The following GRID1 variants were observed in gnomAD, a reference collection of about 807,000 sequenced individuals.
GRID1 encodes glutamate receptor ionotropic, delta-1.
GRID1 carries 28 observed loss-of-function variants against 98.0 expected under a neutral mutation model. The ratio of observed to expected loss-of-function variants is 0.29; its 90% CI spans 0.21 to 0.39. The LOEUF (loss-of-function observed/expected upper bound fraction) is 0.39, where lower values mean the gene tolerates loss of function less well. Among genes scored for constraint, GRID1 ranks in the 10% least tolerant of loss-of-function variants. The probability of loss-of-function intolerance (pLI) is 1.00; values close to 1 mark genes in which losing one functional copy is unlikely to be tolerated. For synonymous variants in GRID1, 553 were observed against 538.5 expected, an observed-to-expected ratio of 1.03 and a Z score of -0.37; for missense variants, 1,111 against 1,340.5, an observed-to-expected ratio of 0.83 and a Z score of 2.67.
chr10:86,034,041 A>G lies in GRID1; in HGVS notation c.726+104778T>C, dbSNP rs147600142. The stretch of plus-strand genomic sequence containing the variant: ...TTCAAATTTACAACTTCAGAATTAT[A>G]AATTAGCTTATTTTAAGTAAACTTA... On this transcript the variant is annotated intron_variant, in intron 4 of 15. Coordinates refer to ENST00000327946, the MANE Select transcript of GRID1 (RefSeq NM_017551.3). 5.9e-5 allele frequency among the ~76,000 whole-genome samples: 9 copies of G among 152,370 alleles called. No homozygotes were observed. In the East Asian group the frequency reaches 1.7e-3, roughly 29 times the overall value.
At chr10:86,034,176 T>C (rs569423540) in intron 4 of GRID1, among the ~76,000 whole-genome samples, 2 of 152,332 alleles carry the variant, frequency 1.3e-5, no homozygotes, top group Non-Finnish European at 2.9e-5. Flanking sequence ...GGCATCGAGG[T>C]AACAGATGTC....
chr10:86,354,525 C>T (rs1423489777), intron 2 of GRID1, among the ~76,000 whole-genome samples: 5 of 152,242 alleles, frequency 3.3e-5, no homozygotes, highest in Admixed American at 2.0e-4. Flanking sequence ...GCTGGCCATA[C>T]GTCCTCTCTA....
At chr10:86,248,563 CTTTTTTTTTTTTTTTT>C (rs200060771) in intron 2 of GRID1, among the ~76,000 whole-genome samples, 2,984 of 121,810 alleles carry the variant, frequency 0.024, 53 homozygotes, top group African/African-American at 0.029. Flanking sequence ...CATGACAATT[CTTTTTTTTTTTTTTTT>C]TTTTTTTTTT....
intron 4 of GRID1, among the ~76,000 whole-genome samples, chr10:85,978,272 C>A (rs1842499183): frequency 2.0e-5 from 3 of 152,176 alleles, no homozygotes; most frequent in Admixed American, 2.0e-4. Context: ...TGACTATCTA[C>A]CAGGCCAAAG....
At chr10:85,698,459 C>T (rs1841416915) in intron 12 of GRID1, among the ~76,000 whole-genome samples, 1 of 152,174 alleles carries the variant, frequency 6.6e-6, no homozygotes, top group Admixed American at 6.5e-5. Context: ...AATGGGCATT[C>T]AAGTATCCAC....
At chr10:86,307,587 G>A (rs1193393322) in intron 2 of GRID1, among the ~76,000 whole-genome samples, 1 of 152,136 alleles carries the variant, frequency 6.6e-6, no homozygotes, top group Non-Finnish European at 1.5e-5. Flanking sequence ...TTAGTTGCAA[G>A]ATGAATAAGT....
chr10:86,125,861 T>C (rs977501283), intron 4 of GRID1, among the ~76,000 whole-genome samples: 1 of 152,244 alleles, frequency 6.6e-6, no homozygotes, highest in Non-Finnish European at 1.5e-5. Flanking sequence ...CCATTTTCTC[T>C]ACTTTACCGT....
chr10:85,768,938 T>A (rs1474591910), intron 8 of GRID1, among the ~76,000 whole-genome samples: 1 of 152,234 alleles, frequency 6.6e-6, no homozygotes, highest in African/African-American at 2.4e-5. Flanking sequence ...TAATATATGG[T>A]CAAAGTCATT....
intron 8 of GRID1, among the ~76,000 whole-genome samples, chr10:85,791,730 C>A (rs1391374872): frequency 6.6e-6 from 1 of 152,136 alleles, no homozygotes; most frequent in Admixed American, 6.5e-5. Flanking sequence ...CAAATATTCT[C>A]CCCAGTCTCA....
rs180707336 is a variant in GRID1, at chr10:85,683,583, A to G, written c.1998-36186T>C. Reference sequence around the variant, plus strand: ...TCCTCATTAAAAGCAGCAGTTGTAAAGAAAATTGCCATGAAATCCTTGTAA... The same window carrying G: ...TCCTCATTAAAAGCAGCAGTTGTAAGGAAAATTGCCATGAAATCCTTGTAA... On this transcript the variant is annotated intron_variant, in intron 12 of 15. Coordinates refer to ENST00000327946, the MANE Select transcript of GRID1 (RefSeq NM_017551.3). Among the ~76,000 whole-genome samples, 253 of 152,342 alleles carry G rather than the reference A, an allele frequency of 1.7e-3. 1 individual carries two copies. The highest frequency in any genetic ancestry group is 1.4e-3 in the Non-Finnish European group (92 of 68,032).
chr10:86,104,208 G>A lies in GRID1; in HGVS notation c.726+34611C>T, dbSNP rs1408624669. Among the ~76,000 whole-genome samples the A allele has an allele frequency of 3.3e-5, 5 of 152,198 alleles. No homozygotes were observed. In the East Asian group the frequency reaches 9.6e-4, roughly 29 times the overall value. ...AATCCAAACCTGGCAGGTAGAAGGG[G>A]CTAGTTCCTCTTGCAAAGCTGCTGG... On this transcript the variant is annotated intron_variant, in intron 4 of 15. Coordinates refer to ENST00000327946, the MANE Select transcript of GRID1 (RefSeq NM_017551.3).
intron 4 of GRID1, among the ~76,000 whole-genome samples, chr10:85,923,680 T>A (rs180917654): frequency 6.6e-6 from 1 of 152,202 alleles, no homozygotes; most frequent in Non-Finnish European, 1.5e-5. Context: ...TCCCAGAAAG[T>A]CAGTGTAACC....
In GRID1 at chr10:86,044,520, T is replaced by C. The variant is rs1843393259; in HGVS notation, c.726+94299A>G. 3.3e-5 allele frequency among the ~76,000 whole-genome samples: 5 copies of C among 152,218 alleles called. No individual in the cohort carries two copies. The South Asian group carries it at 1.0e-3, about 31-fold the overall frequency. ...CATAAAAGCTACCCTCTCATCTGCA[T>C]GTCCACCGAGGGTGAATTATAGCCC... On this transcript the variant is annotated intron_variant, in intron 4 of 15. Coordinates refer to ENST00000327946, the MANE Select transcript of GRID1 (RefSeq NM_017551.3).
At chr10:85,625,860 G>A (rs1842906099) in intron 13 of GRID1, among the ~76,000 whole-genome samples, 1 of 152,240 alleles carries the variant, frequency 6.6e-6, no homozygotes, top group Non-Finnish European at 1.5e-5. Flanking sequence ...GCAGTAAAAT[G>A]AGATGGCATT....
chr10:85,962,486 A>G (rs1225997387), intron 4 of GRID1, among the ~76,000 whole-genome samples: 1 of 152,176 alleles, frequency 6.6e-6, no homozygotes, highest in Non-Finnish European at 1.5e-5. Flanking sequence ...ATGCCCAGAG[A>G]AGTTACATTG....
At chr10:86,335,906 T>C (rs890641879) in intron 2 of GRID1, among the ~76,000 whole-genome samples, 2 of 152,242 alleles carry the variant, frequency 1.3e-5, no homozygotes, top group African/African-American at 4.8e-5. Context: ...GTGAAGGGAC[T>C]GGGTATGCAG....
intron 3 of GRID1, among the ~76,000 whole-genome samples, chr10:86,161,156 G>A (rs1389739784): frequency 2.6e-5 from 4 of 152,170 alleles, no homozygotes; most frequent in Non-Finnish European, 5.9e-5. Context: ...TCCAACCCCG[G>A]TGACCCAAAG....
chr10:85,875,488 T>G (rs1253242775), intron 5 of GRID1, among the ~76,000 whole-genome samples: 1 of 152,152 alleles, frequency 6.6e-6, no homozygotes, highest in East Asian at 1.9e-4. Context: ...ATATTCATTA[T>G]GATTATTTAT....
At chr10:85,911,609 T>C (rs1030725569) in intron 5 of GRID1, among the ~76,000 whole-genome samples, 7 of 152,324 alleles carry the variant, frequency 4.6e-5, no homozygotes, top group Middle Eastern at 3.4e-3. Flanking sequence ...CTGTTAAGCA[T>C]CTTAAACCAT....
Sources: allele counts gnomAD v4.1 joint callset (sites outside exome capture counted in the v4.1 genomes callset), GRCh38; gene constraint gnomAD v4.1.1; transcripts MANE v1.5; gene names NCBI Gene and HGNC (gene_info 2026-07-23, HGNC 2026-07-21).